FEZ1: variants seen among roughly 807,000 people sequenced by gnomAD.
FEZ1 encodes fasciculation and elongation protein zeta-1.
A neutral mutation model predicts 49.3 loss-of-function variants in FEZ1; 20 were observed. That is an observed-to-expected ratio of 0.41 (90% confidence interval 0.29 to 0.59). The LOEUF (loss-of-function observed/expected upper bound fraction) is 0.59. FEZ1 is among the 20% of genes least tolerant of loss of function. The pLI is 0.36. For synonymous variants in FEZ1, 170 were observed against 180.9 expected (o/e 0.94, Z 0.48); for missense variants, 413 against 476.0 (o/e 0.87, Z 1.23).
At chr11:125,477,478 C>T (rs952167573) in intron 3 of FEZ1, among the ~76,000 whole-genome samples, 1 of 152,094 alleles carries the variant, frequency 6.6e-6, no homozygotes, top group African/African-American at 2.4e-5. Context: ...GCACTCCAGC[C>T]TGAGTGACAG....
intron 8 of FEZ1, among the ~76,000 whole-genome samples, chr11:125,451,912 T>C (rs1956961771): frequency 6.6e-6 from 1 of 152,140 alleles, no homozygotes; most frequent in South Asian, 2.1e-4. Flanking sequence ...TCATTAAAAA[T>C]ACAGCCAGAC....
intron 3 of FEZ1, among the ~76,000 whole-genome samples, chr11:125,477,282 A>C (rs1957240957): frequency 6.6e-6 from 1 of 151,282 alleles, no homozygotes; most frequent in Non-Finnish European, 1.5e-5. Flanking sequence ...CTCACTTGAG[A>C]TCAGAAGTTC....
chr11:125,495,255 T>C lies in FEZ1; in HGVS notation c.-46+866A>G, dbSNP rs1268333593. 9.9e-6 allele frequency: 4 copies of C among 404,896 alleles called. No homozygotes were observed. Among genetic ancestry groups the C allele is most frequent in the Non-Finnish European group, 2.1e-5 (4 of 191,144 alleles). The allele number at this position is 404,896 out of a possible 1,614,324, so 25.1% of individuals were successfully genotyped here. ...CTCTGAGGAAGCCGGACTCATCCCGTGCAGGCCGCATACACACTCCACTGC... is the reference window on the plus strand; with the variant it reads ...CTCTGAGGAAGCCGGACTCATCCCGCGCAGGCCGCATACACACTCCACTGC... On this transcript the variant is annotated intron_variant, in intron 1 of 9. Coordinates refer to ENST00000278919, the MANE Select transcript of FEZ1 (RefSeq NM_005103.5). The surrounding 1 kb of genome is among the most constrained non-coding windows in gnomAD (Gnocchi z 4.2).
intron 8 of FEZ1, among the ~76,000 whole-genome samples, chr11:125,450,032 T>C (rs1018091535): frequency 2.0e-5 from 3 of 150,112 alleles, no homozygotes; most frequent in Non-Finnish European, 4.5e-5. Context: ...CTTCTGGGTT[T>C]TTTTTTTTTT....
intron 5 of FEZ1, among the ~76,000 whole-genome samples, chr11:125,459,170 T>A (rs1474767978): frequency 6.6e-6 from 1 of 152,218 alleles, no homozygotes; most frequent in Non-Finnish European, 1.5e-5. Flanking sequence ...CAAAACCTAC[T>A]CAATGTAATG....
rs115595404 is a variant in FEZ1 at position 125,445,110 on chromosome 11, G to A, written c.*985C>T. On this transcript the variant is annotated 3_prime_UTR_variant, in exon 10 of 10. Transcript: ENST00000278919. The surrounding 1 kb of genome is among the most constrained non-coding windows in gnomAD (Gnocchi z 4.4). ...GCCTGCTGGTTGGTCAAGGCTGGCA[G>A]CTGCCTGCCATCAATGCTGGAGACA... Among the ~76,000 whole-genome samples, 1,015 of 152,322 alleles carry A rather than the reference G, an allele frequency of 6.7e-3. 12 individuals are homozygous for A. The highest frequency in any genetic ancestry group is 0.022 in the African/African-American group (935 of 41,564).
Position 125,489,603 on chromosome 11 carries a change from T to C in FEZ1, c.175A>G (p.Met59Val), listed in dbSNP as rs150213866. ...FSSEIISFKSMEDLVNEFDEK... is the reference protein window; with the variant it reads ...FSSEIISFKSVEDLVNEFDEK... Reference sequence around the variant, plus strand: ...TCAAATTCATTTACGAGGTCCTCCATGGACTTGAAGCTGATTATTTCGGAA... The same window carrying C: ...TCAAATTCATTTACGAGGTCCTCCACGGACTTGAAGCTGATTATTTCGGAA... The change falls in exon 2 of 10, where the codon ATG becomes GTG. Residue 59 changes from methionine to valine, a missense_variant. Coordinates refer to ENST00000278919, the MANE Select transcript of FEZ1 (RefSeq NM_005103.5). The surrounding 1 kb of genome is among the most constrained non-coding windows in gnomAD (Gnocchi z 4.2). The C allele has an allele frequency of 3.1e-6, 5 of 1,614,090 alleles. No homozygotes were observed. The African/African-American group carries it at 5.3e-5, about 17-fold the overall frequency.
At chr11:125,451,234 T>C (rs1429488447) in intron 8 of FEZ1, among the ~76,000 whole-genome samples, 2 of 152,346 alleles carry the variant, frequency 1.3e-5, no homozygotes, top group East Asian at 1.9e-4. Context: ...TGCATATTTA[T>C]GCAAATAAAG....
chr11:125,463,698 T>C, intron 3 of FEZ1, 128 bp from the exon 4 acceptor site: 1 of 658,310 alleles, frequency 1.5e-6, no homozygotes, highest in Non-Finnish European at 2.7e-6. Context: ...ACAGTGGAGC[T>C]GAAGAGGTGT....
chr11:125,463,498 G>A lies in FEZ1; in HGVS notation c.484C>T (p.Leu162Phe). ...NDSGINEEPLLTADQVIEEIE... is the reference protein window; with the variant it reads ...NDSGINEEPLFTADQVIEEIE... ...GATACTTATACCTGATCTGCTGTGA[G>A]CAGAGGCTCCTCGTTGATACCGGAA... The change falls in exon 4 of 10, where the codon CTC becomes TTC. Residue 162 changes from leucine (L) to phenylalanine (F), a missense_variant. Coordinates refer to ENST00000278919, the MANE Select transcript of FEZ1 (RefSeq NM_005103.5). 6.3e-7 allele frequency: 1 copy of A among 1,599,834 alleles called. No homozygotes were observed. Among genetic ancestry groups the A allele is most frequent in the South Asian group, 1.1e-5 (1 of 90,830 alleles).
chr11:125,483,000 A>AC lies in FEZ1; in HGVS notation c.312-1368_312-1367insG, dbSNP rs1376415684. 2.5e-3 allele frequency among the ~76,000 whole-genome samples: 368 copies of AC among 149,578 alleles called. 1 individual carries two copies. Among genetic ancestry groups the AC allele is most frequent in the South Asian group, 0.011 (50 of 4,638 alleles). ...AAAAAAAAAAAAAAAAAAAAAAAAAAAAAACTAAAATATTAGATAATGATA... is the reference window on the plus strand; with the variant it reads ...AAAAAAAAAAAAAAAAAAAAAAAAAACAAAACTAAAATATTAGATAATGATA... On this transcript the variant is annotated intron_variant, in intron 2 of 9. Coordinates refer to ENST00000278919, the MANE Select transcript of FEZ1 (RefSeq NM_005103.5).
intron 4 of FEZ1, among the ~76,000 whole-genome samples, chr11:125,462,172 C>A (rs924520989): frequency 6.6e-6 from 1 of 152,214 alleles, no homozygotes; most frequent in Non-Finnish European, 1.5e-5. Flanking sequence ...CACTTTCTGG[C>A]ACCGAAGGCT....
intron 1 of FEZ1, among the ~76,000 whole-genome samples, chr11:125,490,852 C>T (rs1957374583): frequency 6.6e-6 from 1 of 152,160 alleles, no homozygotes; most frequent in Non-Finnish European, 1.5e-5. Context: ...GCAACCTACA[C>T]CTCTGGGTTC....
chr11:125,464,925 A>G (rs1309806689), intron 3 of FEZ1, among the ~76,000 whole-genome samples: 1 of 152,138 alleles, frequency 6.6e-6, no homozygotes, highest in African/African-American at 2.4e-5. Context: ...ACCGCTCCCC[A>G]CTATGCAGAA....
At chr11:125,455,735 C>G in intron 6 of FEZ1, 100 bp downstream of exon 6, 1 of 1,233,384 alleles carries the variant, frequency 8.1e-7, no homozygotes, top group South Asian at 1.2e-5. Context: ...CACCACTGCT[C>G]GGTAAACGTT....
At chr11:125,452,511 C>T in intron 7 of FEZ1, 102 bp from the exon 8 acceptor site, 1 of 720,998 alleles carries the variant, frequency 1.4e-6, no homozygotes, top group Non-Finnish European at 2.5e-6. Flanking sequence ...ATCTGACCTT[C>T]TCTGAAACAT....
intron 4 of FEZ1, 33 bp downstream of exon 4, chr11:125,463,451 A>G: frequency 7.6e-7 from 1 of 1,316,670 alleles, no homozygotes; most frequent in Non-Finnish European, 1.1e-6. Context: ...CAAAAGAACA[A>G]AAGGTCCCGA....
chr11:125,458,099 G>C (rs1242134901), intron 5 of FEZ1, among the ~76,000 whole-genome samples: 1 of 152,196 alleles, frequency 6.6e-6, no homozygotes, highest in Non-Finnish European at 1.5e-5. Context: ...TCAGCACCGA[G>C]CAGACTCTCT....
rs35920814 is a variant in FEZ1 at position 125,449,417 on chromosome 11, T to TAAAAA, written c.1097-855_1097-851dup. Among the ~76,000 whole-genome samples, 37 of 26,974 alleles carry TAAAAA rather than the reference T, an allele frequency of 1.4e-3. 2 individuals are homozygous for TAAAAA. The highest frequency in any genetic ancestry group is 5.3e-3 in the East Asian group (2 of 380). The allele number at this position is 26,974 out of a possible 152,430, so 17.7% of individuals were successfully genotyped here. A position where few individuals can be genotyped will look rare whatever the true frequency, so the allele number is the denominator to read the frequency against. On this transcript the variant is annotated intron_variant, in intron 8 of 9. Coordinates refer to ENST00000278919, the MANE Select transcript of FEZ1 (RefSeq NM_005103.5). The stretch of plus-strand genomic sequence containing the variant: ...ACAACATAGCAAGACTTTGTCTCTA[T>TAAAAA]AAAAAAAAAAAAAAAAAAAAAAAAA...
Sources: allele counts gnomAD v4.1 joint callset (sites outside exome capture counted in the v4.1 genomes callset), GRCh38; gene constraint gnomAD v4.1.1; non-coding constraint Gnocchi (gnomAD v3.1); transcripts MANE v1.5; gene names NCBI Gene and HGNC (gene_info 2026-07-23, HGNC 2026-07-21).